Variants in SUSD4 observed in about 807,000 individuals in gnomAD.
The protein encoded by SUSD4 is sushi domain-containing protein 4.
SUSD4 carries 41 observed loss-of-function variants against 50.5 expected under a neutral mutation model. The ratio of observed to expected loss-of-function variants is 0.81; its 90% CI spans 0.63 to 1.05. The LOEUF (loss-of-function observed/expected upper bound fraction) is 1.05. SUSD4 is among the 50% of genes least tolerant of loss of function. The probability of loss-of-function intolerance (pLI) is 0.00; values close to 1 mark genes in which losing one functional copy is unlikely to be tolerated. For missense variants in SUSD4, 580 were observed against 634.7 expected, an observed-to-expected ratio of 0.91 and a Z score of 0.93; for synonymous variants, 257 against 257.3, an observed-to-expected ratio of 1.00 and a Z score of 0.01.
Position 223,227,798 on chromosome 1 carries a change from T to A in SUSD4, c.917-60A>T. 6.5e-7 allele frequency: 1 copy of A among 1,534,506 alleles called. No homozygotes were observed. Among genetic ancestry groups the A allele is most frequent in the South Asian group, 1.2e-5 (1 of 82,140 alleles). On this transcript the variant is annotated intron_variant, in intron 6 of 8. Coordinates refer to ENST00000366878, the MANE Select transcript of SUSD4 (RefSeq NM_017982.4). This position sits in a 1 kb window ranked among gnomAD's most constrained non-coding sequence, Gnocchi z 4.5. ...CCCAGACCATGAGAGGTGCCGAGGT[T>A]CCCCGTGGGCTCATTTGCTGGATTC...
At chr1:223,254,326 C>T (rs1175314059) in intron 5 of SUSD4, among the ~76,000 whole-genome samples, 5 of 152,070 alleles carry the variant, frequency 3.3e-5, no homozygotes, top group Non-Finnish European at 4.4e-5. Flanking sequence ...GGAGAAGAAT[C>T]ACCTCTCTTC....
At chr1:223,243,935 A>G (rs138823590) in intron 5 of SUSD4, among the ~76,000 whole-genome samples, 1 of 152,386 alleles carries the variant, frequency 6.6e-6, no homozygotes, top group African/African-American at 2.4e-5. Context: ...ACCTAAGTAT[A>G]GTAATTATGT....
At chr1:223,302,888 C>T (rs1558231572) in intron 2 of SUSD4, among the ~76,000 whole-genome samples, 2 of 152,138 alleles carry the variant, frequency 1.3e-5, no homozygotes, top group African/African-American at 2.4e-5. Flanking sequence ...AATAAGGAAA[C>T]GTGATTGCTT....
chr1:223,350,277 T>C (rs571610752), intron 2 of SUSD4, among the ~76,000 whole-genome samples: 3 of 152,370 alleles, frequency 2.0e-5, no homozygotes, highest in African/African-American at 4.8e-5. Flanking sequence ...TTCTTATTTC[T>C]AGTCTTAGCA....
At position 223,340,939 on chromosome 1, in the gene SUSD4, G is replaced by A. The variant is rs75646655; in HGVS notation, c.148+22339C>T. ...AATTCCCTCTGTGTTACACATATTCGTTTAATGTGGTTTGCATGTTAGGTG... is the reference window on the plus strand; with the variant it reads ...AATTCCCTCTGTGTTACACATATTCATTTAATGTGGTTTGCATGTTAGGTG... On this transcript the variant is annotated intron_variant, in intron 2 of 8. Transcript: ENST00000366878. Among the ~76,000 whole-genome samples the A allele has an allele frequency of 7.1e-3, 1,086 of 152,248 alleles. 68 individuals carry two copies. The East Asian group carries it at 0.16, about 23-fold the overall frequency.
chr1:223,293,322 C>T (rs776508264), intron 2 of SUSD4, among the ~76,000 whole-genome samples: 1 of 152,208 alleles, frequency 6.6e-6, no homozygotes, highest in Non-Finnish European at 1.5e-5. Context: ...CCGCCTGCCT[C>T]ATCCCTACTT....
intron 2 of SUSD4, among the ~76,000 whole-genome samples, chr1:223,309,134 C>G (rs773795944): frequency 6.6e-6 from 1 of 152,004 alleles, no homozygotes; most frequent in Non-Finnish European, 1.5e-5. Flanking sequence ...AGACATAGAA[C>G]AAAAACAAAA....
At chr1:223,289,206 C>G in intron 3 of SUSD4, 1 of 985,402 alleles carries the variant, frequency 1.0e-6, no homozygotes, top group Non-Finnish European at 1.2e-6. Context: ...TAGGTCACCT[C>G]CTCTGTTCCC....
intron 2 of SUSD4, among the ~76,000 whole-genome samples, chr1:223,351,584 G>A (rs1668368255): frequency 6.6e-6 from 1 of 152,148 alleles, no homozygotes; most frequent in Non-Finnish European, 1.5e-5. Context: ...TGAGATGGAA[G>A]CTGACAGAGG....
chr1:223,249,413 G>A lies in SUSD4; in HGVS notation c.724+15217C>T, dbSNP rs180947056. The stretch of plus-strand genomic sequence containing the variant: ...GTGTATCCACATACTGGACCAAAGT[G>A]CCACACAGACACACATACATTCATG... On this transcript the variant is annotated intron_variant, in intron 5 of 8. Transcript: ENST00000366878. 1.6e-3 allele frequency among the ~76,000 whole-genome samples: 251 copies of A among 152,318 alleles called. 1 individual carries two copies. Among genetic ancestry groups the A allele is most frequent in the Admixed American group, 4.0e-3 (61 of 15,304 alleles).
rs772381259 is a variant in SUSD4, at chr1:223,227,715, C to T, written c.940G>A (p.Glu314Lys). 2 of 1,612,946 alleles carry T rather than the reference C, an allele frequency of 1.2e-6. No individual in the cohort carries two copies. Among genetic ancestry groups the T allele is most frequent in the Non-Finnish European group, 8.5e-7 (1 of 1,179,578 alleles). Residue 314 changes from glutamate (E) to lysine (K), a missense_variant, in exon 7 of 9, where the codon GAG becomes AAG. Physicochemically the swap from Glu to Lys is moderately conservative, Grantham distance 56. Coordinates refer to ENST00000366878, the MANE Select transcript of SUSD4 (RefSeq NM_017982.4). This position sits in a 1 kb window ranked among gnomAD's most constrained non-coding sequence, Gnocchi z 4.5. ...ATCTTCCACGTGGTCAGGAGGGTCT[C>T]ATGGGTGCTGGGCCACGTTTGCTCT... is the stretch of plus-strand genomic sequence containing the variant. ...KSEQTWPSTH[E>K]TLLTTWKIVA... is the part of the protein sequence containing the mutation.
In SUSD4 at chr1:223,264,818, C is replaced by G; in HGVS notation, c.536G>C (p.Gly179Ala). 6.2e-7 allele frequency: 1 copy of G among 1,611,630 alleles called. No individual in the cohort carries two copies. Among genetic ancestry groups the G allele is most frequent in the Non-Finnish European group, 8.5e-7 (1 of 1,178,560 alleles). The change falls in exon 5 of 9, where the codon GGC becomes GCC. Residue 179 changes from glycine to alanine, a missense_variant and splice_region_variant. Gly to Ala is a moderately conservative substitution (Grantham distance 60). Transcript: ENST00000366878. Reference protein sequence around the residue: ...GTWNNLPICQGCLRPLASSNG... With the variant: ...GTWNNLPICQACLRPLASSNG... ...AGAAGAGGCTAGAGGTCTCAGGCAG[C>G]CTGTGGAAGGTGAAAGAAAAAGGGA...
At chr1:223,224,857 TCTTCC>T (rs1244290639) in intron 7 of SUSD4, among the ~76,000 whole-genome samples, 3 of 140,316 alleles carry the variant, frequency 2.1e-5, no homozygotes, top group African/African-American at 8.3e-5. Context: ...GAACTTGGTT[TCTTCC>T]TTTTTTTTTT....
intron 3 of SUSD4, among the ~76,000 whole-genome samples, chr1:223,281,283 A>C (rs560855989): frequency 6.6e-6 from 1 of 152,358 alleles, no homozygotes; most frequent in South Asian, 2.1e-4. Flanking sequence ...CCTTCAAAAA[A>C]TCAATGAATA....
chr1:223,340,104 C>T (rs998555820), intron 2 of SUSD4, among the ~76,000 whole-genome samples: 1 of 152,206 alleles, frequency 6.6e-6, no homozygotes, highest in Non-Finnish European at 1.5e-5. Context: ...AGACCACACG[C>T]AGCCAAATCC....
chr1:223,249,929 G>T (rs1661189783), intron 5 of SUSD4, among the ~76,000 whole-genome samples: 1 of 152,158 alleles, frequency 6.6e-6, no homozygotes, highest in African/African-American at 2.4e-5. Flanking sequence ...AAAGTGTGAG[G>T]GTGAGAATGT....
intron 2 of SUSD4, among the ~76,000 whole-genome samples, chr1:223,298,435 T>A (rs1216530481): frequency 6.6e-6 from 1 of 152,124 alleles, no homozygotes; most frequent in African/African-American, 2.4e-5. Context: ...CTTCCCCCAA[T>A]CCACAGCTCC....
Position 223,223,436 on chromosome 1 carries a change from G to A in SUSD4, c.1257C>T (p.Asp419=), listed in dbSNP as rs1464158430. ...CTGACTCCCCTGGGCCTGTGTCCGT[G>A]TCCCCTGAGCCGGGGTATGCTGGGG... The part of the protein sequence containing the change: ...QSPPAYPGSG[D]TDTGPGESET... The change falls in exon 8 of 9, where the codon GAC becomes GAT. Residue 419 remains aspartate, a synonymous_variant. Coordinates refer to ENST00000366878, the MANE Select transcript of SUSD4 (RefSeq NM_017982.4). 6.2e-7 allele frequency: 1 copy of A among 1,614,020 alleles called. No homozygotes were observed. The highest frequency in any genetic ancestry group is 1.1e-5 in the South Asian group (1 of 91,056).
rs1669110423 is a variant in SUSD4 at position 223,363,337 on chromosome 1, A to C, written c.89T>G (p.Leu30Trp). 6.2e-7 allele frequency: 1 copy of C among 1,610,410 alleles called. No individual in the cohort carries two copies. The highest frequency in any genetic ancestry group is 1.1e-5 in the South Asian group (1 of 89,954). ...CAGCTGAAACCACAGGATCACGGCCAAGAGTCTCTGGGGGGACTGAGGTTG... is the reference window on the plus strand; with the variant it reads ...CAGCTGAAACCACAGGATCACGGCCCAGAGTCTCTGGGGGGACTGAGGTTG... Reference protein sequence around the residue: ...QQQPQSPQRLLAVILWFQLAL... With the variant: ...QQQPQSPQRLWAVILWFQLAL... The change falls in exon 2 of 9, where the codon TTG becomes TGG. Residue 30 changes from leucine to tryptophan, a missense_variant. By Grantham distance (61) the Leu-to-Trp change is moderately conservative (BLOSUM62 -2). Coordinates refer to ENST00000366878, the MANE Select transcript of SUSD4 (RefSeq NM_017982.4).
Sources: allele counts gnomAD v4.1 joint callset (sites outside exome capture counted in the v4.1 genomes callset), GRCh38; gene constraint gnomAD v4.1.1; non-coding constraint Gnocchi (gnomAD v3.1); transcripts MANE v1.5; gene names NCBI Gene and HGNC (gene_info 2026-07-23, HGNC 2026-07-21).